Variants in RABGAP1L observed in about 807,000 individuals in gnomAD.
The protein encoded by RABGAP1L is rab GTPase-activating protein 1-like.
RABGAP1L carries 63 observed loss-of-function variants against 137.7 expected under a neutral mutation model. The observed-to-expected ratio is 0.46, with a 90% CI of 0.37 to 0.56. The LOEUF (loss-of-function observed/expected upper bound fraction) is 0.56. Among genes scored for constraint, RABGAP1L ranks in the 20% least tolerant of loss-of-function variants. The pLI is 0.00. For missense variants in RABGAP1L, 1,095 were observed against 1,244.0 expected (o/e 0.88, Z 1.80); for synonymous variants, 431 against 433.7 (o/e 0.99, Z 0.08).
intron 18 of RABGAP1L, among the ~76,000 whole-genome samples, chr1:174,757,586 C>T (rs1397637406): frequency 6.7e-6 from 1 of 149,416 alleles, no homozygotes; most frequent in Non-Finnish European, 1.5e-5. Flanking sequence ...TAAAACAAAG[C>T]AATTTAAAAG....
chr1:174,373,514 C>G (rs1269634920), intron 12 of RABGAP1L, among the ~76,000 whole-genome samples: 1 of 152,042 alleles, frequency 6.6e-6, no homozygotes, highest in East Asian at 1.9e-4. Context: ...GGGCTGCATC[C>G]TGGTTGCTTA....
intron 11 of RABGAP1L, among the ~76,000 whole-genome samples, chr1:174,349,301 C>T (rs1198848801): frequency 4.3e-5 from 5 of 117,418 alleles, no homozygotes; most frequent in South Asian, 2.9e-4. Context: ...CCAGTAGGGG[C>T]GGCCGGGCAG....
chr1:174,449,649 T>C (rs1031139081), intron 13 of RABGAP1L, among the ~76,000 whole-genome samples: 1 of 152,234 alleles, frequency 6.6e-6, no homozygotes, highest in Non-Finnish European at 1.5e-5. Flanking sequence ...TGTGGTAAAG[T>C]ATAATCTTTT....
rs1194807945 is a variant in RABGAP1L, at chr1:174,550,954, A to G, written c.1711-86421A>G. On this transcript the variant is annotated intron_variant, in intron 13 of 25. Transcript: ENST00000681986. ...TATACACATATATATACACACATATATATACACATATATATACATGTATAT... is the reference window on the plus strand; with the variant it reads ...TATACACATATATATACACACATATGTATACACATATATATACATGTATAT... Among the ~76,000 whole-genome samples the G allele has an allele frequency of 2.3e-5, 3 of 130,094 alleles. No homozygotes were observed. In the Admixed American group the frequency reaches 2.3e-4, roughly 10 times the overall value. The allele number at this position is 130,094 out of a possible 152,430, so 85.3% of individuals were successfully genotyped here.
chr1:174,720,249 GTAGATAGATAGA>G (rs370669512), intron 17 of RABGAP1L, among the ~76,000 whole-genome samples: 45 of 143,782 alleles, frequency 3.1e-4, no homozygotes, highest in Middle Eastern at 3.6e-3. Context: ...CTAGCTAGAT[GTAGATAGATAGA>G]TAGATAGATA....
At chr1:174,677,154 T>G (rs1677694959) in intron 14 of RABGAP1L, among the ~76,000 whole-genome samples, 1 of 67,652 alleles carries the variant, frequency 1.5e-5, no homozygotes. Context: ...AGACCCCATC[T>G]CTACCAAAAA....
chr1:174,222,294 T>C (rs183384674), intron 3 of RABGAP1L, among the ~76,000 whole-genome samples: 54 of 152,346 alleles, frequency 3.5e-4, no homozygotes, highest in South Asian at 2.1e-3. Context: ...GGGATTATCC[T>C]AATTGGCTTA....
At chr1:174,511,723 A>G (rs1054848668) in intron 13 of RABGAP1L, among the ~76,000 whole-genome samples, 1 of 152,014 alleles carries the variant, frequency 6.6e-6, no homozygotes, top group African/African-American at 2.4e-5. Context: ...CCCAGGTTCA[A>G]GCAATTCTCC....
chr1:174,640,659 A>G (rs149499492), intron 14 of RABGAP1L, among the ~76,000 whole-genome samples: 2 of 152,186 alleles, frequency 1.3e-5, no homozygotes, highest in Admixed American at 1.3e-4. Flanking sequence ...ATAAACATTA[A>G]TAACACCTTG....
chr1:174,726,025 A>G (rs1318327377), intron 17 of RABGAP1L, among the ~76,000 whole-genome samples: 1 of 152,102 alleles, frequency 6.6e-6, no homozygotes, highest in East Asian at 1.9e-4. Flanking sequence ...AAACAAAAGA[A>G]TTGCAGTGAG....
chr1:174,256,264 T>C (rs1324813125), intron 7 of RABGAP1L, among the ~76,000 whole-genome samples: 1 of 152,182 alleles, frequency 6.6e-6, no homozygotes, highest in Non-Finnish European at 1.5e-5. Flanking sequence ...TGGCTTTGTT[T>C]AATATTTGTG....
At chr1:174,185,943 C>T (rs12093691) in intron 1 of RABGAP1L, among the ~76,000 whole-genome samples, 5,608 of 151,934 alleles carry the variant, frequency 0.037, 370 homozygotes, top group African/African-American at 0.13. Context: ...CGGGAGTTCG[C>T]GACCAGCCTG....
intron 17 of RABGAP1L, among the ~76,000 whole-genome samples, chr1:174,739,063 A>G (rs1683179074): frequency 1.3e-5 from 2 of 152,168 alleles, no homozygotes; most frequent in African/African-American, 2.4e-5. Context: ...GATTTCTAGT[A>G]TAACTGCTTG....
chr1:174,508,177 T>A (rs1222906881), intron 13 of RABGAP1L, among the ~76,000 whole-genome samples: 1 of 152,148 alleles, frequency 6.6e-6, no homozygotes, highest in Non-Finnish European at 1.5e-5. Context: ...AGAGAAACCC[T>A]TATCTTCTCT....
intron 18 of RABGAP1L, among the ~76,000 whole-genome samples, chr1:174,784,538 C>T (rs2148777015): frequency 6.6e-6 from 1 of 152,162 alleles, no homozygotes; most frequent in Non-Finnish European, 1.5e-5. Context: ...ACATCTTCTA[C>T]CCAGACATGG....
chr1:174,956,449 C>T (rs1283305105), intron 19 of RABGAP1L, among the ~76,000 whole-genome samples: 1 of 152,118 alleles, frequency 6.6e-6, no homozygotes, highest in Non-Finnish European at 1.5e-5. Context: ...CCATAGGAAT[C>T]TAGTCTTTTT....
chr1:174,697,148 A>G (rs541110361), intron 15 of RABGAP1L, among the ~76,000 whole-genome samples: 1 of 152,346 alleles, frequency 6.6e-6, no homozygotes, highest in Admixed American at 6.5e-5. Context: ...CAGTGACTAT[A>G]TGTATGAATG....
intron 13 of RABGAP1L, among the ~76,000 whole-genome samples, chr1:174,485,792 G>C (rs569165791): frequency 6.6e-6 from 1 of 152,184 alleles, no homozygotes; most frequent in Non-Finnish European, 1.5e-5. Context: ...ATATTGGCCT[G>C]TAATTTCCTT....
intron 11 of RABGAP1L, among the ~76,000 whole-genome samples, chr1:174,320,230 C>A (rs1679821234): frequency 6.6e-6 from 1 of 152,104 alleles, no homozygotes; most frequent in Non-Finnish European, 1.5e-5. Flanking sequence ...TTCTCTTATG[C>A]CCTTTATAAC....
Sources: allele counts gnomAD v4.1 joint callset (sites outside exome capture counted in the v4.1 genomes callset), GRCh38; gene constraint gnomAD v4.1.1; transcripts MANE v1.5; gene names NCBI Gene and HGNC (gene_info 2026-07-23, HGNC 2026-07-21).